The following CACNA1I variants were observed in gnomAD, a reference collection of about 807,000 sequenced individuals.
The protein encoded by CACNA1I is voltage-dependent T-type calcium channel subunit alpha-1I.
A neutral mutation model predicts 201.6 loss-of-function variants in CACNA1I; 74 were observed. The observed-to-expected ratio is 0.37, with a 90% confidence interval of 0.30 to 0.45. The LOEUF is 0.45. Among genes scored for constraint, CACNA1I ranks in the 20% least tolerant of loss-of-function variants. CACNA1I has a pLI of 1.00. For synonymous variants in CACNA1I, 1,431 were observed against 1,345.2 expected, an observed-to-expected ratio of 1.06 and a Z score of -1.40; for missense variants, 2,346 against 3,138.1, an observed-to-expected ratio of 0.75 and a Z score of 6.03.
At chr22:39,626,908 C>A (rs766808257) in intron 4 of CACNA1I, among the ~76,000 whole-genome samples, 2 of 152,206 alleles carry the variant, frequency 1.3e-5, no homozygotes, top group African/African-American at 4.8e-5. Flanking sequence ...TGGGCAGTGT[C>A]ATTTCATCTT....
Position 39,679,401 on chromosome 22 carries a change from G to A in CACNA1I, c.5350G>A (p.Asp1784Asn), listed in dbSNP as rs1163577432. The A allele has an allele frequency of 1.4e-5, 21 of 1,456,866 alleles. No homozygotes were observed. Among genetic ancestry groups the A allele is most frequent in the African/African-American group, 3.0e-5 (2 of 67,468 alleles). The allele number at this position is 1,456,866 out of a possible 1,614,324, so 90.2% of individuals were successfully genotyped here. The stretch of plus-strand genomic sequence containing the variant: ...GCCGGGAGGGGCGGGCGGCGGGGGC[G>A]ACACCGAGGGCGGCTTGTGCCGGCG... The part of the protein sequence containing the change: ...RGPGGAGGGG[D>N]TEGGLCRRCY... The change falls in exon 32 of 37, where the codon GAC becomes AAC. Residue 1784 changes from aspartate (D) to asparagine (N), a missense_variant. Coordinates refer to ENST00000402142, the MANE Select transcript of CACNA1I (RefSeq NM_021096.4).
intron 3 of CACNA1I, among the ~76,000 whole-genome samples, chr22:39,606,166 T>C (rs996310200): frequency 6.6e-6 from 1 of 152,266 alleles, no homozygotes; most frequent in Middle Eastern, 3.4e-3. Flanking sequence ...ACCCTCCCAA[T>C]GATGGCTTAT....
rs575499577 is a variant in CACNA1I at position 39,614,477 on chromosome 22, G to A, written c.483-4833G>A. 1.9e-4 allele frequency among the ~76,000 whole-genome samples: 29 copies of A among 152,340 alleles called. 2 individuals are homozygous for A. The South Asian group carries it at 5.8e-3, about 31-fold the overall frequency. On this transcript the variant is annotated intron_variant, in intron 3 of 36. Coordinates refer to ENST00000402142, the MANE Select transcript of CACNA1I (RefSeq NM_021096.4). ...CTTGCTTCAGCCTTCCTTTGTGTTG[G>A]CAAAATTCTCAGGCCACCACAGAGC... is the stretch of plus-strand genomic sequence containing the variant.
intron 25 of CACNA1I, among the ~76,000 whole-genome samples, 194 bp downstream of exon 25, chr22:39,670,424 A>T (rs954399260): frequency 1.3e-5 from 2 of 152,182 alleles, no homozygotes; most frequent in Non-Finnish European, 2.9e-5. Flanking sequence ...CCAGAGTCCA[A>T]TGGCTGACAC....
Position 39,600,562 on chromosome 22 carries a change from G to T in CACNA1I, c.391G>T (p.Val131Leu), listed in dbSNP as rs1405217915. Residue 131 changes from valine to leucine, a missense_variant, in exon 3 of 37, where the codon GTG (valine) becomes TTG (leucine). This residue lies in a region of CACNA1I where 227 missense variants were observed against 412.5 expected (regional missense o/e 0.55). Transcript: ENST00000402142. The stretch of plus-strand genomic sequence containing the variant: ...CTTTATCTTCTTTGCCATGGAGATG[G>T]TGCTCAAGATGGTGGCCCTGGGGAT... Reference protein sequence around the residue: ...FIFIFFAMEMVLKMVALGIFG... With the variant: ...FIFIFFAMEMLLKMVALGIFG... 6.2e-7 allele frequency: 1 copy of T among 1,612,368 alleles called. No homozygotes were observed. The highest frequency in any genetic ancestry group is 1.7e-5 in the Admixed American group (1 of 59,766).
At chr22:39,668,439 G>C (rs994437831) in intron 24 of CACNA1I, 58 bp downstream of exon 24, 44 of 1,150,550 alleles carry the variant, frequency 3.8e-5, no homozygotes, top group Non-Finnish European at 5.6e-5. Context: ...GGTGTCCTTG[G>C]GGCCCAGTGG....
chr22:39,645,511 G>A (rs1339071933), intron 7 of CACNA1I, among the ~76,000 whole-genome samples: 1 of 152,176 alleles, frequency 6.6e-6, no homozygotes, highest in Non-Finnish European at 1.5e-5. Context: ...AGGCTCCCCA[G>A]GAAATGCTTG....
intron 1 of CACNA1I, among the ~76,000 whole-genome samples, chr22:39,577,339 G>A (rs2145800128): frequency 6.6e-6 from 1 of 152,358 alleles, no homozygotes; most frequent in South Asian, 2.1e-4. Flanking sequence ...TCCAGCCAAT[G>A]TCTGTGCTTC....
In CACNA1I at chr22:39,662,029, C is replaced by T; in HGVS notation, c.2966C>T (p.Ser989Phe). 6.4e-7 allele frequency: 1 copy of T among 1,567,394 alleles called. No individual in the cohort carries two copies. ...GRSAAWASRR[S>F]SWNSLKHKPP... The stretch of plus-strand genomic sequence containing the variant: ...AGCGCGGCCTGGGCCAGCCGTCGCT[C>T]CAGCTGGAACAGCCTCAAGCACAAG... The change falls in exon 17 of 37, where the codon TCC becomes TTC. Residue 989 changes from serine to phenylalanine, a missense_variant. Transcript: ENST00000402142.
chr22:39,573,019 G>C (rs1346668497), intron 1 of CACNA1I, among the ~76,000 whole-genome samples: 1 of 152,274 alleles, frequency 6.6e-6, no homozygotes, highest in East Asian at 1.9e-4. Flanking sequence ...CTCCCAAAGT[G>C]CTGGGATTAC....
chr22:39,620,765 T>TG (rs1444100070), intron 4 of CACNA1I, among the ~76,000 whole-genome samples: 21 of 73,676 alleles, frequency 2.9e-4, no homozygotes, highest in African/African-American at 3.8e-4. Context: ...TTTGTTTGTT[T>TG]TTTTTGAGAC....
intron 11 of CACNA1I, 111 bp from the exon 12 acceptor site, chr22:39,658,820 T>C (rs1934905125): frequency 2.2e-6 from 2 of 920,062 alleles, no homozygotes; most frequent in African/African-American, 3.3e-5. Context: ...GATGGATGGA[T>C]GAATGGAAGC....
Position 39,653,392 on chromosome 22 carries a change from G to T in CACNA1I, c.1992+3467G>T, listed in dbSNP as rs780988623. 2.0e-5 allele frequency among the ~76,000 whole-genome samples: 3 copies of T among 152,218 alleles called. 1 individual carries two copies. The highest frequency in any genetic ancestry group is 4.4e-5 in the Non-Finnish European group (3 of 68,040). ...GCAGGGCCTGACTATGGGCCCGCTG[G>T]TATTTTTGCTCCGCTCGCTCGGCTC... On this transcript the variant is annotated intron_variant, in intron 10 of 36. Coordinates refer to ENST00000402142, the MANE Select transcript of CACNA1I (RefSeq NM_021096.4).
Position 39,619,370 on chromosome 22 carries a change from C to A in CACNA1I, c.543C>A (p.Arg181=). 3.1e-6 allele frequency: 5 copies of A among 1,609,542 alleles called. No homozygotes were observed. The highest frequency in any genetic ancestry group is 4.2e-6 in the Non-Finnish European group (5 of 1,179,756). The part of the protein sequence containing the change: ...NINLSAIRTV[R]VLRPLKAINR... Reference sequence around the variant, plus strand: ...ACCTGTCAGCCATCCGCACCGTGCGCGTCCTGAGGCCCCTCAAAGCCATCA... The same window carrying A: ...ACCTGTCAGCCATCCGCACCGTGCGAGTCCTGAGGCCCCTCAAAGCCATCA... Residue 181 remains arginine, a synonymous_variant, in exon 4 of 37, where the codon CGC becomes CGA. Transcript: ENST00000402142.
intron 3 of CACNA1I, among the ~76,000 whole-genome samples, chr22:39,613,616 G>A (rs1055514042): frequency 2.6e-4 from 39 of 152,218 alleles, no homozygotes; most frequent in African/African-American, 9.4e-4. Flanking sequence ...ACCCAGCTCT[G>A]TACTCTGACC....
At chr22:39,600,679 C>A (rs766180233) in intron 3 of CACNA1I, 26 bp downstream of exon 3, 33 of 1,580,412 alleles carry the variant, frequency 2.1e-5, no homozygotes, top group African/African-American at 2.7e-5. Context: ...CAGGCAGGTC[C>A]TAGCCTCTGG....
chr22:39,660,364 C>T lies in CACNA1I; in HGVS notation c.2625C>T (p.Tyr875=). ...FQAEGDANRS[Y]SDEDQSSSNI... is the part of the protein sequence containing the mutation. Reference sequence around the variant, plus strand: ...CCCAGGGTGACGCCAATCGCTCCTACTCGGACGAGGACCAGAGCTCATCCA... The same window carrying T: ...CCCAGGGTGACGCCAATCGCTCCTATTCGGACGAGGACCAGAGCTCATCCA... The change falls in exon 15 of 37, where the codon TAC becomes TAT. Residue 875 remains tyrosine (Y), a synonymous_variant. Transcript: ENST00000402142. The T allele has an allele frequency of 1.2e-6, 2 of 1,612,862 alleles. No homozygotes were observed. Among genetic ancestry groups the T allele is most frequent in the Non-Finnish European group, 1.7e-6 (2 of 1,179,634 alleles).
In CACNA1I at chr22:39,676,534, TA is replaced by T. The variant is rs1163414696; in HGVS notation, c.4855-804del. Among the ~76,000 whole-genome samples the T allele has an allele frequency of 6.6e-6, 1 of 152,236 alleles. No individual in the cohort carries two copies. Among genetic ancestry groups the T allele is most frequent in the Non-Finnish European group, 1.5e-5 (1 of 68,044 alleles). ...GCCTTATCTTATCCATAGCATGAGT[TA>T]AAGGTGGTCTCCAATGCATGGATAG... is the stretch of plus-strand genomic sequence containing the variant. On this transcript the variant is annotated intron_variant, in intron 29 of 36. Transcript: ENST00000402142. This position sits in a 1 kb window ranked among gnomAD's most constrained non-coding sequence, Gnocchi z 4.8.
At chr22:39,651,088 A>T (rs911310748) in intron 10 of CACNA1I, among the ~76,000 whole-genome samples, 1 of 151,932 alleles carries the variant, frequency 6.6e-6, no homozygotes, top group Non-Finnish European at 1.5e-5. Flanking sequence ...CCCTGAACCC[A>T]CTCCCCAGCT....
Sources: allele counts gnomAD v4.1 joint callset (sites outside exome capture counted in the v4.1 genomes callset), GRCh38; gene constraint gnomAD v4.1.1; regional missense constraint gnomAD v4.1.1; non-coding constraint Gnocchi (gnomAD v3.1); transcripts MANE v1.5; gene names NCBI Gene and HGNC (gene_info 2026-07-23, HGNC 2026-07-21).